The following DERA variants were observed in gnomAD, a reference collection of about 807,000 sequenced individuals.
DERA encodes the protein deoxyribose-phosphate aldolase, also known as 2-deoxy-D-ribose 5-phosphate aldolase.
Under a neutral mutation model 41.1 loss-of-function variants are expected in DERA, and 15 were observed. The ratio of observed to expected loss-of-function variants is 0.37; its 90% confidence interval spans 0.24 to 0.56. DERA has a LOEUF of 0.56. Ranked by LOEUF, DERA falls within the 20% of genes least tolerant of loss-of-function variation. DERA has a pLI of 0.81. For synonymous variants in DERA, 139 were observed against 137.4 expected (o/e 1.01, Z -0.08); for missense variants, 396 against 403.4 (o/e 0.98, Z 0.16).
chr12:15,951,269 T>C (rs754929990), intron 1 of DERA: 2 of 152,258 alleles, frequency 1.3e-5, no homozygotes, highest in Non-Finnish European at 2.9e-5. Flanking sequence ...AGGAGCAATA[T>C]AATTATCAGT....
intron 1 of DERA, among the ~76,000 whole-genome samples, chr12:15,937,146 G>A (rs555382822): frequency 6.6e-6 from 1 of 152,034 alleles, no homozygotes; most frequent in African/African-American, 2.4e-5. Flanking sequence ...TGTAGAGACA[G>A]GGTCTCACCA....
chr12:15,920,910 TAA>T, intron 1 of DERA, among the ~76,000 whole-genome samples: 1 of 152,354 alleles, frequency 6.6e-6, no homozygotes, highest in South Asian at 2.1e-4. Flanking sequence ...TGCATTTTTA[TAA>T]GATTCCCAGA....
chr12:16,005,316 C>T lies in DERA; in HGVS notation c.637+22880C>T, dbSNP rs565422514. On this transcript the variant is annotated intron_variant, in intron 6 of 8. Transcript: ENST00000428559. ...TAAAAATTAGCAGGGCACGGTAAGGCGCACCTACAGTCCTAGCTACTTAGG... is the reference window on the plus strand; with the variant it reads ...TAAAAATTAGCAGGGCACGGTAAGGTGCACCTACAGTCCTAGCTACTTAGG... 9.9e-5 allele frequency among the ~76,000 whole-genome samples: 15 copies of T among 152,012 alleles called. No individual in the cohort carries two copies. The South Asian group carries it at 1.5e-3, about 15-fold the overall frequency.
In DERA at chr12:16,036,011, G is replaced by A. The variant is rs1949125286; in HGVS notation, c.751-221G>A. On this transcript the variant is annotated intron_variant, in intron 7 of 8. Transcript: ENST00000428559. This position sits in a 1 kb window ranked among gnomAD's most constrained non-coding sequence, Gnocchi z 4.9. The stretch of plus-strand genomic sequence containing the variant: ...GGGTTATTAACCCTCACTAGTGTCT[G>A]TTTGGAAGTAGTGACATTCTTCCAA... Among the ~76,000 whole-genome samples the A allele has an allele frequency of 6.6e-6, 1 of 152,158 alleles. No homozygotes were observed. The highest frequency in any genetic ancestry group is 2.4e-5 in the African/African-American group (1 of 41,414).
intron 1 of DERA, among the ~76,000 whole-genome samples, chr12:15,952,243 G>C (rs184239765): frequency 2.0e-5 from 3 of 152,178 alleles, no homozygotes; most frequent in Admixed American, 2.0e-4. Context: ...CTGTTTTTTG[G>C]ATTTGCTATA....
rs1592042709 is a variant in DERA at position 15,998,533 on chromosome 12, T to C, written c.637+16097T>C. 6.6e-6 allele frequency among the ~76,000 whole-genome samples: 1 copy of C among 152,012 alleles called. No individual in the cohort carries two copies. Among genetic ancestry groups the C allele is most frequent in the East Asian group, 1.9e-4 (1 of 5,178 alleles). ...GGTTTCTTCATATTGGCCAGGCTGGTCTCGAACTCCTGACCTCAGGTGATC... is the reference window on the plus strand; with the variant it reads ...GGTTTCTTCATATTGGCCAGGCTGGCCTCGAACTCCTGACCTCAGGTGATC... On this transcript the variant is annotated intron_variant, in intron 6 of 8. Coordinates refer to ENST00000428559, the MANE Select transcript of DERA (RefSeq NM_015954.4). This position sits in a 1 kb window ranked among gnomAD's most constrained non-coding sequence, Gnocchi z 4.8.
chr12:15,996,001 G>A lies in DERA; in HGVS notation c.637+13565G>A, dbSNP rs148414744. Among the ~76,000 whole-genome samples the A allele has an allele frequency of 2.0e-5, 3 of 152,278 alleles. No homozygotes were observed. Among genetic ancestry groups the A allele is most frequent in the African/African-American group, 7.2e-5 (3 of 41,562 alleles). On this transcript the variant is annotated intron_variant, in intron 6 of 8. Coordinates refer to ENST00000428559, the MANE Select transcript of DERA (RefSeq NM_015954.4). The surrounding 1 kb of genome is among the most constrained non-coding windows in gnomAD (Gnocchi z 4.7). ...GAAATTGGGTGCGCCACATCAGGAG[G>A]TAGGAGACGTTCGAGGCACAGGCTG...
intron 1 of DERA, among the ~76,000 whole-genome samples, chr12:15,929,042 C>A (rs752302666): frequency 6.6e-6 from 1 of 152,184 alleles, no homozygotes; most frequent in African/African-American, 2.4e-5. Context: ...ACTTCTTCCA[C>A]CAGGGCTTCG....
rs1034411337 is a variant in DERA, at chr12:16,026,369, A to G, written c.638-6173A>G. ...GAAAGAAGGGTCATCTCCTCTTCCC[A>G]TGGATATTAAAAGGATTATAAAGGA... is the stretch of plus-strand genomic sequence containing the variant. On this transcript the variant is annotated intron_variant, in intron 6 of 8. Transcript: ENST00000428559. The surrounding 1 kb of genome is among the most constrained non-coding windows in gnomAD (Gnocchi z 4.4). Among the ~76,000 whole-genome samples the G allele has an allele frequency of 1.3e-5, 2 of 151,810 alleles. No homozygotes were observed. The highest frequency in any genetic ancestry group is 2.1e-4 in the South Asian group (1 of 4,824).
intron 5 of DERA, among the ~76,000 whole-genome samples, chr12:15,964,463 T>A (rs1948609729): frequency 6.6e-6 from 1 of 152,246 alleles, no homozygotes; most frequent in Admixed American, 6.5e-5. Context: ...TATTTTGTGT[T>A]CCTTTTTTGT....
At chr12:15,946,690 T>G (rs1051965839) in intron 1 of DERA, among the ~76,000 whole-genome samples, 1 of 152,164 alleles carries the variant, frequency 6.6e-6, no homozygotes, top group African/African-American at 2.4e-5. Flanking sequence ...CTGGATTCAT[T>G]GATTTTTCGA....
chr12:16,013,431 T>C lies in DERA; in HGVS notation c.638-19111T>C, dbSNP rs60403060. ...GTTCTTAGGAGATCTGATGGTTTTATAAGGAGTTCTCCTACCTTTGCTCGG... is the reference window on the plus strand; with the variant it reads ...GTTCTTAGGAGATCTGATGGTTTTACAAGGAGTTCTCCTACCTTTGCTCGG... On this transcript the variant is annotated intron_variant, in intron 6 of 8. Coordinates refer to ENST00000428559, the MANE Select transcript of DERA (RefSeq NM_015954.4). This position sits in a 1 kb window ranked among gnomAD's most constrained non-coding sequence, Gnocchi z 5.8. 0.022 allele frequency among the ~76,000 whole-genome samples: 3,422 copies of C among 152,240 alleles called. 122 individuals carry two copies. Among genetic ancestry groups the C allele is most frequent in the African/African-American group, 0.078 (3,255 of 41,528 alleles).
rs1202208152 is a variant in DERA, at chr12:16,012,732, CAT to C, written c.638-19809_638-19808del. 4.6e-5 allele frequency among the ~76,000 whole-genome samples: 7 copies of C among 152,092 alleles called. No homozygotes were observed. The highest frequency in any genetic ancestry group is 4.6e-4 in the Admixed American group (7 of 15,268). On this transcript the variant is annotated intron_variant, in intron 6 of 8. Transcript: ENST00000428559. This position sits in a 1 kb window ranked among gnomAD's most constrained non-coding sequence, Gnocchi z 4.1. ...AAATTGTTAACCTACAGAGTGATTA[CAT>C]GTTTTGGTGTCTCATTGAAGCTCTG...
In DERA at chr12:15,962,814, G is replaced by A. The variant is rs772416072; in HGVS notation, c.375G>A (p.Val125=). 9.1e-6 allele frequency: 14 copies of A among 1,532,932 alleles called. No individual in the cohort carries two copies. The Admixed American group carries it at 2.8e-4, about 31-fold the overall frequency. The allele number at this position is 1,532,932 out of a possible 1,614,324, so 95.0% of individuals were successfully genotyped here. Residue 125 remains valine, a splice_region_variant and synonymous_variant, in exon 5 of 9, where the codon GTG becomes GTA. Coordinates refer to ENST00000428559, the MANE Select transcript of DERA (RefSeq NM_015954.4). ...AAGCNIPVAS[V]AAGFPAGQTH... ...CATTTCCTTTCTTAACTCTATTAGT[G>A]GCCGCTGGATTTCCAGCTGGACAGA...
Position 15,981,241 on chromosome 12 carries a change from G to C in DERA, c.509-1067G>C, listed in dbSNP as rs1400608478. ...CAGGCGCCTGTAGTCCCAGCTACTC[G>C]GGAGGCTGAGGCAGGAGAATGGCGT... On this transcript the variant is annotated intron_variant, in intron 5 of 8. Transcript: ENST00000428559. This position sits in a 1 kb window ranked among gnomAD's most constrained non-coding sequence, Gnocchi z 6.1. 1.3e-5 allele frequency among the ~76,000 whole-genome samples: 2 copies of C among 152,080 alleles called. No homozygotes were observed. Among genetic ancestry groups the C allele is most frequent in the Non-Finnish European group, 2.9e-5 (2 of 68,010 alleles).
At chr12:16,016,935 G>A (rs1948986865) in intron 6 of DERA, among the ~76,000 whole-genome samples, 1 of 151,964 alleles carries the variant, frequency 6.6e-6, no homozygotes, top group Admixed American at 6.6e-5. Context: ...AAAGGAAAGG[G>A]AACATCTGAC....
Position 15,967,213 on chromosome 12 carries a change from G to A in DERA, c.508+4266G>A, listed in dbSNP as rs1036228209. On this transcript the variant is annotated intron_variant, in intron 5 of 8. Coordinates refer to ENST00000428559, the MANE Select transcript of DERA (RefSeq NM_015954.4). This position sits in a 1 kb window ranked among gnomAD's most constrained non-coding sequence, Gnocchi z 4.9. ...TAAAAAAAAAAAAATGCAAAAATTA[G>A]CCTGGTGTTGTGGTATGCGCCTGTA... Among the ~76,000 whole-genome samples, 2 of 151,856 alleles carry A rather than the reference G, an allele frequency of 1.3e-5. No homozygotes were observed. Among genetic ancestry groups the A allele is most frequent in the Non-Finnish European group, 2.9e-5 (2 of 67,976 alleles).
At position 15,957,450 on chromosome 12, in the gene DERA, C is replaced by T. The variant is rs1948548511; in HGVS notation, c.129+417C>T. 1.3e-5 allele frequency among the ~76,000 whole-genome samples: 2 copies of T among 152,130 alleles called. No individual in the cohort carries two copies. The highest frequency in any genetic ancestry group is 4.1e-4 in the South Asian group (2 of 4,822). ...TGACCTTTCTTGACCATCATATTTA[C>T]CTTACTATTACTTTCTATAAATCAT... On this transcript the variant is annotated intron_variant, in intron 2 of 8. Coordinates refer to ENST00000428559, the MANE Select transcript of DERA (RefSeq NM_015954.4). The surrounding 1 kb of genome is among the most constrained non-coding windows in gnomAD (Gnocchi z 4.8).
intron 1 of DERA, among the ~76,000 whole-genome samples, chr12:15,914,290 G>A (rs1417950284): frequency 2.0e-5 from 3 of 151,780 alleles, no homozygotes; most frequent in Admixed American, 6.6e-5. Flanking sequence ...GCTGAGGTAC[G>A]AGAATCGCTT....
Sources: gnomAD v4.1 joint callset for allele counts (sites outside exome capture counted in the v4.1 genomes callset) on GRCh38, gnomAD v4.1.1 for gene constraint, Gnocchi (gnomAD v3.1) non-coding constraint, MANE v1.5 for transcripts, NCBI Gene and HGNC (gene_info 2026-07-23, HGNC 2026-07-21) for gene names.